Variants in RBFOX1 observed in about 807,000 individuals in gnomAD.
The protein encoded by RBFOX1 is RNA binding fox-1 homolog 1, also known as RNA binding protein fox-1 homolog 1.
A neutral mutation model predicts 57.7 loss-of-function variants in RBFOX1; 8 were observed. The ratio of observed to expected loss-of-function variants is 0.14; its 90% CI spans 0.08 to 0.25. The LOEUF is 0.25. Ranked by LOEUF, RBFOX1 falls within the 10% of genes least tolerant of loss-of-function variation. The pLI is 1.00. For synonymous variants in RBFOX1, 326 were observed against 222.4 expected, an observed-to-expected ratio of 1.47 and a Z score of -4.15; for missense variants, 611 against 548.5, an observed-to-expected ratio of 1.11 and a Z score of -1.14.
intron 4 of RBFOX1, among the ~76,000 whole-genome samples, chr16:7,388,833 G>A (rs1056852150): frequency 4.6e-5 from 7 of 151,964 alleles, no homozygotes; most frequent in African/African-American, 1.7e-4. Context: ...AGGTAGAGAA[G>A]ACAAAGCTAT....
intron 4 of RBFOX1, among the ~76,000 whole-genome samples, chr16:7,362,826 G>C (rs777001171): frequency 3.3e-5 from 5 of 152,164 alleles, no homozygotes; most frequent in Admixed American, 6.5e-5. Context: ...TGGCTTATCA[G>C]TGGGTCAGAA....
intron 11 of RBFOX1, among the ~76,000 whole-genome samples, chr16:7,644,077 A>C (rs771857717): frequency 1.3e-5 from 2 of 152,166 alleles, no homozygotes; most frequent in African/African-American, 2.4e-5. Context: ...TAAGAAGCAG[A>C]GAGAGAGTAG....
In RBFOX1 at chr16:5,620,732, G is replaced by A. The variant is rs79747748; in HGVS notation, c.318+21771G>A. ...CTCACTCTGTCTCCCAGGCCAGAGA[G>A]CAGTGGCAGGATCATGGCTTGCTGC... On this transcript the variant is annotated intron_variant, in intron 3 of 19. Transcript: ENST00000641259. 8.1e-3 allele frequency among the ~76,000 whole-genome samples: 1,228 copies of A among 152,260 alleles called. 10 individuals are homozygous for A. Among genetic ancestry groups the A allele is most frequent in the African/African-American group, 0.028 (1,175 of 41,536 alleles).
intron 4 of RBFOX1, among the ~76,000 whole-genome samples, chr16:7,193,647 T>C (rs2085977762): frequency 6.6e-6 from 1 of 152,234 alleles, no homozygotes; most frequent in Admixed American, 6.5e-5. Flanking sequence ...CTGAGGATAC[T>C]GCAACAGTGT....
intron 3 of RBFOX1, among the ~76,000 whole-genome samples, chr16:6,773,022 GTATTTGTGGGCATGGGGTGCATT>G (rs2078634313): frequency 1.4e-5 from 2 of 145,202 alleles, no homozygotes; most frequent in African/African-American, 5.1e-5. Flanking sequence ...GTGTGTGATT[GTATTTGTGGGCATGGGGTGCATT>G]TGTATTGGGC....
intron 2 of RBFOX1, among the ~76,000 whole-genome samples, chr16:6,420,857 G>T (rs967724108): frequency 6.6e-6 from 1 of 152,186 alleles, no homozygotes; most frequent in Non-Finnish European, 1.5e-5. Context: ...GTGGGATGAG[G>T]GTGACATAGT....
Position 6,952,978 on chromosome 16 carries a change from G to GA in RBFOX1, c.-15-99070dup, listed in dbSNP as rs557683042. On this transcript the variant is annotated intron_variant, in intron 3 of 15. Coordinates refer to ENST00000550418, the MANE Select transcript of RBFOX1 (RefSeq NM_018723.4). ...ACAGAGCAAAATTCTGTCTCATAAA[G>GA]AAAAAAAAATTGTCATTGTTTGAAC... is the stretch of plus-strand genomic sequence containing the variant. Among the ~76,000 whole-genome samples the GA allele has an allele frequency of 3.1e-4, 47 of 151,282 alleles. No homozygotes were observed. The South Asian group carries it at 3.8e-3, about 12-fold the overall frequency.
At chr16:6,385,520 C>T (rs562486718) in intron 2 of RBFOX1, among the ~76,000 whole-genome samples, 8 of 152,298 alleles carry the variant, frequency 5.3e-5, no homozygotes, top group Admixed American at 2.0e-4. Flanking sequence ...CCACCACACC[C>T]GGATAATTTT....
chr16:7,633,082 A>C lies in RBFOX1; in HGVS notation c.757+2399A>C, dbSNP rs546495082. Among the ~76,000 whole-genome samples the C allele has an allele frequency of 3.9e-5, 6 of 152,360 alleles. No homozygotes were observed. In the South Asian group the frequency reaches 1.2e-3, roughly 32 times the overall value. ...CAAGCCAGCCCATGGCCTGTGTTAC[A>C]AGGCTTATGAATGAAGAATGATGTT... On this transcript the variant is annotated intron_variant, in intron 11 of 15. Coordinates refer to ENST00000550418, the MANE Select transcript of RBFOX1 (RefSeq NM_018723.4).
chr16:5,760,300 C>T (rs866754811), intron 3 of RBFOX1, among the ~76,000 whole-genome samples: 10 of 152,012 alleles, frequency 6.6e-5, no homozygotes, highest in South Asian at 2.1e-4. Context: ...GACAAAATTT[C>T]TTCCCTCAAG....
intron 3 of RBFOX1, among the ~76,000 whole-genome samples, chr16:6,876,182 C>G (rs1256885194): frequency 6.6e-6 from 1 of 151,346 alleles, no homozygotes; most frequent in Non-Finnish European, 1.5e-5. Flanking sequence ...GAAGGACCCT[C>G]TCAAAAAAAA....
At chr16:6,751,460 C>G (rs1319727385) in intron 3 of RBFOX1, among the ~76,000 whole-genome samples, 1 of 152,146 alleles carries the variant, frequency 6.6e-6, no homozygotes, top group Non-Finnish European at 1.5e-5. Flanking sequence ...GACTGAACAT[C>G]CTGACTTCCT....
At chr16:7,592,234 A>G (rs117447152) in intron 7 of RBFOX1, among the ~76,000 whole-genome samples, 2,252 of 148,600 alleles carry the variant, frequency 0.015, 27 homozygotes, top group Non-Finnish European at 0.025. Context: ...GAGAATAATA[A>G]AAAAGAATGT....
intron 2 of RBFOX1, among the ~76,000 whole-genome samples, chr16:6,592,405 C>G (rs968520628): frequency 3.3e-5 from 5 of 152,130 alleles, no homozygotes; most frequent in Admixed American, 6.5e-5. Context: ...TATTTTGTTT[C>G]ATAATACAGG....
At chr16:6,976,700 TATC>T (rs1051735570) in intron 3 of RBFOX1, among the ~76,000 whole-genome samples, 9 of 148,342 alleles carry the variant, frequency 6.1e-5, no homozygotes, top group African/African-American at 1.5e-4. Context: ...ATAGCATACA[TATC>T]ATATAGCATA....
intron 3 of RBFOX1, among the ~76,000 whole-genome samples, chr16:6,947,149 C>G (rs974842145): frequency 6.6e-6 from 1 of 152,134 alleles, no homozygotes; most frequent in African/African-American, 2.4e-5. Flanking sequence ...GGCCCATGTT[C>G]AAGGTCCAAT....
At chr16:5,711,564 C>G (rs936750392) in intron 3 of RBFOX1, among the ~76,000 whole-genome samples, 19 of 152,166 alleles carry the variant, frequency 1.2e-4, no homozygotes, top group African/African-American at 4.3e-4. Flanking sequence ...GTGGCAGGAA[C>G]AGTGCAGGCA....
At chr16:7,487,952 G>T (rs992921908) in intron 4 of RBFOX1, among the ~76,000 whole-genome samples, 1 of 152,098 alleles carries the variant, frequency 6.6e-6, no homozygotes, top group Non-Finnish European at 1.5e-5. Context: ...TCTTGGAATG[G>T]ATTTTTTTTT....
intron 4 of RBFOX1, among the ~76,000 whole-genome samples, chr16:7,294,293 C>G (rs1157453518): frequency 6.6e-6 from 1 of 152,120 alleles, no homozygotes; most frequent in Non-Finnish European, 1.5e-5. Context: ...CCCACCCTCT[C>G]AACTGCCAAA....
Sources: allele counts gnomAD v4.1 joint callset (sites outside exome capture counted in the v4.1 genomes callset), GRCh38; gene constraint gnomAD v4.1.1; transcripts MANE v1.5; gene names NCBI Gene and HGNC (gene_info 2026-07-23, HGNC 2026-07-21).